Variants in GOLGB1 observed in about 807,000 individuals in gnomAD.
GOLGB1 encodes the protein golgin subfamily B member 1.
Under a neutral mutation model 336.9 loss-of-function variants are expected in GOLGB1, and 174 were observed. The ratio of observed to expected loss-of-function variants is 0.52; its 90% CI spans 0.46 to 0.59. GOLGB1 has a LOEUF of 0.59. Among genes scored for constraint, GOLGB1 ranks in the 20% least tolerant of loss-of-function variants. The pLI is 0.00. For synonymous variants in GOLGB1, 1,208 were observed against 1,289.2 expected (o/e 0.94, Z 1.35); for missense variants, 3,331 against 3,645.3 (o/e 0.91, Z 2.22).
At chr3:121,677,199 T>C (rs1940513283) in intron 16 of GOLGB1, 86 bp downstream of exon 16, 2 of 1,255,000 alleles carry the variant, frequency 1.6e-6, no homozygotes, top group East Asian at 2.4e-5. Flanking sequence ...CTGGGTAGCG[T>C]CTTAAAAAAA....
At chr3:121,712,459 T>G (rs2108059466) in intron 10 of GOLGB1, among the ~76,000 whole-genome samples, 1 of 151,240 alleles carries the variant, frequency 6.6e-6, no homozygotes, top group South Asian at 2.1e-4. Flanking sequence ...ATAATTAAGC[T>G]CATCAAAATT....
At chr3:121,740,354 T>C (rs913172727) in intron 1 of GOLGB1, among the ~76,000 whole-genome samples, 2 of 152,154 alleles carry the variant, frequency 1.3e-5, no homozygotes, top group East Asian at 1.9e-4. Flanking sequence ...TTCCTACAAC[T>C]GCATGTGACT....
In GOLGB1 at chr3:121,696,668, TA is replaced by T; in HGVS notation, c.3854del (p.Leu1285Ter). On this transcript the variant is annotated frameshift_variant, in exon 13 of 22. Coordinates refer to ENST00000614479, the MANE Select transcript of GOLGB1 (RefSeq NM_001366282.2). LOFTEE classifies it high-confidence loss of function. ...ATEQHHTQPVLESNLCPDWPS... is the reference protein window; with the variant it reads ...ATEQHHTQPVXESNLCPDWPS... ...GCCAGTCTGGGCACAAGTTGGACTC[TA>T]AAACAGGTTGAGTGTGATGCTGTTC... 6.2e-7 allele frequency: 1 copy of T among 1,614,128 alleles called. No individual in the cohort carries two copies. Among genetic ancestry groups the T allele is most frequent in the African/African-American group, 1.3e-5 (1 of 75,052 alleles).
At chr3:121,690,560 G>T (rs771220689) in intron 14 of GOLGB1, 110 bp downstream of exon 14, 2 of 520,730 alleles carry the variant, frequency 3.8e-6, no homozygotes, top group Admixed American at 3.8e-5. Flanking sequence ...CTTTCCCTGC[G>T]TTCCCAGATA....
chr3:121,735,373 T>C (rs749265975), intron 1 of GOLGB1, among the ~76,000 whole-genome samples: 55 of 152,294 alleles, frequency 3.6e-4, no homozygotes, highest in Middle Eastern at 3.4e-3. Flanking sequence ...TATAAATATA[T>C]GATATAACCT....
At chr3:121,704,987 A>G (rs979704896) in intron 10 of GOLGB1, among the ~76,000 whole-genome samples, 17 of 152,166 alleles carry the variant, frequency 1.1e-4, no homozygotes, top group African/African-American at 2.9e-4. Context: ...ATATCTGATC[A>G]TCAGAGAGGA....
rs745976937 is a variant in GOLGB1, at chr3:121,695,297, G to A, written c.5226C>T (p.Thr1742=). 1.2e-6 allele frequency: 2 copies of A among 1,613,650 alleles called. No individual in the cohort carries two copies. The highest frequency in any genetic ancestry group is 2.2e-5 in the East Asian group (1 of 44,866). Reference sequence around the variant, plus strand: ...TTAAAGACTGAAACTTCTTAGAAAGGGTTTCATACTCCATTTTGACCCTTT... The same window carrying A: ...TTAAAGACTGAAACTTCTTAGAAAGAGTTTCATACTCCATTTTGACCCTTT... ...ELERVKMEYE[T]LSKKFQSLMS... is the part of the protein sequence containing the mutation. Residue 1742 remains threonine, a synonymous_variant, in exon 13 of 22, where the codon ACC becomes ACT. Coordinates refer to ENST00000614479, the MANE Select transcript of GOLGB1 (RefSeq NM_001366282.2).
chr3:121,693,341 A>G (rs34492106), intron 13 of GOLGB1, among the ~76,000 whole-genome samples: 51,900 of 151,938 alleles, frequency 0.34, 9,523 homozygotes, highest in Non-Finnish European at 0.42. Flanking sequence ...ACAAAAAATT[A>G]GCTGGGCGTG....
intron 4 of GOLGB1, among the ~76,000 whole-genome samples, chr3:121,728,399 A>G (rs1300125911): frequency 6.6e-6 from 1 of 152,200 alleles, no homozygotes; most frequent in East Asian, 1.9e-4. Flanking sequence ...AACTAAAAAA[A>G]TAAAAAGATT....
intron 14 of GOLGB1, among the ~76,000 whole-genome samples, chr3:121,689,019 G>A (rs1344493971): frequency 1.3e-5 from 2 of 150,690 alleles, no homozygotes; most frequent in Admixed American, 6.6e-5. Context: ...GGAGGTGGGG[G>A]GGTCAGCCCC....
rs1942846655 is a variant in GOLGB1, at chr3:121,695,354, A to G, written c.5169T>C (p.Leu1723=). The G allele has an allele frequency of 1.2e-6, 2 of 1,614,058 alleles. No individual in the cohort carries two copies. The highest frequency in any genetic ancestry group is 1.7e-6 in the Non-Finnish European group (2 of 1,179,998). The change falls in exon 13 of 22, where the codon CTT becomes CTC. Residue 1723 remains leucine, a synonymous_variant. Coordinates refer to ENST00000614479, the MANE Select transcript of GOLGB1 (RefSeq NM_001366282.2). ...CTTCCTTCATGCTGGCATTGGAAGA[A>G]AGAAGTGTTTCCATACACTCTTTAG... ...DTAKECMETL[L]SSNASMKEEL... is the part of the protein sequence containing the mutation.
Position 121,664,264 on chromosome 3 carries a change from GT to G in GOLGB1, c.*215del, listed in dbSNP as rs2107501918. 4 of 570,856 alleles carry G rather than the reference GT, an allele frequency of 7.0e-6. No homozygotes were observed. The highest frequency in any genetic ancestry group is 6.0e-5 in the Admixed American group (2 of 33,354). 35.4% of individuals were successfully genotyped at this position (570,856 alleles called of 1,614,324 possible). On this transcript the variant is annotated 3_prime_UTR_variant, in exon 22 of 22. Coordinates refer to ENST00000614479, the MANE Select transcript of GOLGB1 (RefSeq NM_001366282.2). ...TGTGATTCTCAGATTAAGCAGAAGCGTTCAGGCTCAGGGCAGTAGAAGAAAG... is the reference window on the plus strand; with the variant it reads ...TGTGATTCTCAGATTAAGCAGAAGCGTCAGGCTCAGGGCAGTAGAAGAAAG...
intron 3 of GOLGB1, 67 bp downstream of exon 3, chr3:121,729,798 T>C: frequency 8.5e-7 from 1 of 1,176,294 alleles, no homozygotes; most frequent in African/African-American, 1.5e-5. Context: ...AGACAAAAAT[T>C]AAAGTGAGTA....
At position 121,695,180 on chromosome 3, in the gene GOLGB1, G is replaced by C; in HGVS notation, c.5343C>G (p.Thr1781=). 1.2e-6 allele frequency: 2 copies of C among 1,613,500 alleles called. No homozygotes were observed. The highest frequency in any genetic ancestry group is 2.2e-5 in the South Asian group (2 of 91,046). Residue 1781 remains threonine, a synonymous_variant, in exon 13 of 22, where the codon ACC becomes ACG. Transcript: ENST00000614479. ...NVSKQANLEA[T]EKHDNQTNVT... is the part of the protein sequence containing the mutation. ...CATTCGTTTGGTTATCATGTTTCTC[G>C]GTGGCCTCTAGGTTAGCTTGTTTAG...
At chr3:121,733,785 A>T (rs77452441) in intron 1 of GOLGB1, among the ~76,000 whole-genome samples, 2 of 152,200 alleles carry the variant, frequency 1.3e-5, no homozygotes, top group African/African-American at 4.8e-5. Context: ...ACAAAGGTAC[A>T]AATGCAATTA....
chr3:121,667,414 TGTAC>T (rs1459211078), intron 20 of GOLGB1, 58 bp downstream of exon 20: 6 of 1,506,110 alleles, frequency 4.0e-6, no homozygotes, highest in Admixed American at 4.0e-5. Context: ...TGGCAGGAAA[TGTAC>T]ATGAGTTTGA....
chr3:121,733,446 A>C (rs2108319142), intron 1 of GOLGB1, among the ~76,000 whole-genome samples: 1 of 152,302 alleles, frequency 6.6e-6, no homozygotes, highest in African/African-American at 2.4e-5. Flanking sequence ...CTGAATGCTG[A>C]AAACTATTGA....
At chr3:121,672,298 C>T (rs1031154216) in intron 17 of GOLGB1, among the ~76,000 whole-genome samples, 8 of 151,946 alleles carry the variant, frequency 5.3e-5, no homozygotes, top group Non-Finnish European at 8.8e-5. Flanking sequence ...TCTGTTACTA[C>T]CTGTCTTTTT....
intron 12 of GOLGB1, 47 bp from the exon 13 acceptor site, chr3:121,698,976 C>CATTTG: frequency 7.2e-7 from 1 of 1,388,476 alleles, no homozygotes; most frequent in Non-Finnish European, 9.7e-7. Context: ...TGTTTTATAA[C>CATTTG]ATTAAAAAAA....
Sources: gnomAD v4.1 joint callset for allele counts (sites outside exome capture counted in the v4.1 genomes callset) on GRCh38, gnomAD v4.1.1 for gene constraint, MANE v1.5 for transcripts, NCBI Gene and HGNC (gene_info 2026-07-23, HGNC 2026-07-21) for gene names.